The following CDKAL1 variants were observed in gnomAD, a reference collection of about 807,000 sequenced individuals.
CDKAL1 encodes CDKAL1 threonylcarbamoyladenosine tRNA methylthiotransferase, also known as threonylcarbamoyladenosine tRNA methylthiotransferase.
In CDKAL1, 32 loss-of-function variants were observed where a neutral mutation model predicts 68.2. The ratio of observed to expected loss-of-function variants is 0.47; its 90% CI spans 0.35 to 0.63. The LOEUF (loss-of-function observed/expected upper bound fraction) is 0.63, where lower values mean the gene tolerates loss of function less well. CDKAL1 is among the 30% of genes least tolerant of loss of function. The probability of loss-of-function intolerance (pLI) is 0.00; values close to 1 mark genes in which losing one functional copy is unlikely to be tolerated. For synonymous variants in CDKAL1, 234 were observed against 244.3 expected, an observed-to-expected ratio of 0.96 and a Z score of 0.39; for missense variants, 606 against 696.7, an observed-to-expected ratio of 0.87 and a Z score of 1.47.
At chr6:20,733,201 C>A (rs1773035906) in intron 5 of CDKAL1, among the ~76,000 whole-genome samples, 1 of 152,200 alleles carries the variant, frequency 6.6e-6, no homozygotes, top group South Asian at 2.1e-4. Flanking sequence ...TGATGACTGT[C>A]CCACAGCTAC....
chr6:20,658,845 C>T (rs565464143), intron 5 of CDKAL1, among the ~76,000 whole-genome samples: 114 of 152,128 alleles, frequency 7.5e-4, no homozygotes, highest in Non-Finnish European at 1.2e-3. Flanking sequence ...GACCGGGTCT[C>T]GTTCTGTTGC....
At chr6:20,762,508 C>T (rs907670671) in intron 7 of CDKAL1, among the ~76,000 whole-genome samples, 2 of 152,168 alleles carry the variant, frequency 1.3e-5, no homozygotes, top group Admixed American at 1.3e-4. Context: ...TATCAGTCAA[C>T]TTCTGTTCTT....
At chr6:21,107,412 TTTTC>T (rs963891175) in intron 12 of CDKAL1, among the ~76,000 whole-genome samples, 10 of 151,910 alleles carry the variant, frequency 6.6e-5, no homozygotes, top group Admixed American at 1.3e-4. Context: ...TCTCTTTCTT[TTTTC>T]TTTCTTTCTT....
At chr6:20,545,884 G>C (rs564066603) in intron 2 of CDKAL1, among the ~76,000 whole-genome samples, 2 of 152,056 alleles carry the variant, frequency 1.3e-5, no homozygotes, top group Non-Finnish European at 2.9e-5. Flanking sequence ...ACTTTATATC[G>C]AATGATTTAT....
intron 8 of CDKAL1, among the ~76,000 whole-genome samples, chr6:20,815,493 C>A (rs1192005826): frequency 6.6e-6 from 1 of 151,670 alleles, no homozygotes; most frequent in Non-Finnish European, 1.5e-5. Flanking sequence ...TGTATAATCT[C>A]TTTTTCTCCT....
intron 9 of CDKAL1, among the ~76,000 whole-genome samples, chr6:20,946,156 G>A (rs1035951053): frequency 2.6e-5 from 4 of 152,146 alleles, no homozygotes; most frequent in Non-Finnish European, 5.9e-5. Flanking sequence ...TGCCCTGTGA[G>A]CTTGAGCCCC....
At chr6:20,767,608 A>G (rs1774756846) in intron 7 of CDKAL1, among the ~76,000 whole-genome samples, 1 of 152,150 alleles carries the variant, frequency 6.6e-6, no homozygotes. Flanking sequence ...TTCTTGAAAA[A>G]TTGTATTTGA....
chr6:20,989,904 ACT>A (rs1168493152), intron 10 of CDKAL1, among the ~76,000 whole-genome samples: 3 of 152,166 alleles, frequency 2.0e-5, no homozygotes, highest in Non-Finnish European at 4.4e-5. Context: ...TTAGACAAAA[ACT>A]CTATTTTGAT....
intron 13 of CDKAL1, among the ~76,000 whole-genome samples, chr6:21,177,092 T>C (rs529560341): frequency 5.6e-4 from 86 of 152,368 alleles, no homozygotes; most frequent in Non-Finnish European, 1.1e-3. Flanking sequence ...TCATTTGAAT[T>C]ATTTACATAA....
At chr6:21,174,960 G>A (rs1357417342) in intron 13 of CDKAL1, among the ~76,000 whole-genome samples, 1 of 152,110 alleles carries the variant, frequency 6.6e-6, no homozygotes, top group African/African-American at 2.4e-5. Flanking sequence ...AAATAAAGTA[G>A]GGCTTTATGT....
chr6:20,930,181 G>C (rs1255442856), intron 9 of CDKAL1, among the ~76,000 whole-genome samples: 2 of 151,806 alleles, frequency 1.3e-5, no homozygotes, highest in African/African-American at 4.8e-5. Flanking sequence ...AGCTATTTAA[G>C]AGAAGTCAGT....
intron 9 of CDKAL1, among the ~76,000 whole-genome samples, chr6:20,925,361 G>C (rs1763140441): frequency 6.6e-6 from 1 of 152,088 alleles, no homozygotes; most frequent in South Asian, 2.1e-4. Flanking sequence ...ATTTTATTGT[G>C]CTATTTGCTT....
intron 4 of CDKAL1, among the ~76,000 whole-genome samples, chr6:20,565,892 G>A (rs1408853109): frequency 6.6e-6 from 1 of 152,010 alleles, no homozygotes; most frequent in African/African-American, 2.4e-5. Context: ...GTAATTCTGT[G>A]GGTTTGGTAA....
chr6:21,019,041 C>T (rs1254739574), intron 11 of CDKAL1, among the ~76,000 whole-genome samples: 1 of 152,160 alleles, frequency 6.6e-6, no homozygotes, highest in Non-Finnish European at 1.5e-5. Context: ...CTCCACCTGC[C>T]ACGTTCAAGC....
chr6:20,795,781 C>T (rs1776083631), intron 8 of CDKAL1, among the ~76,000 whole-genome samples: 2 of 152,100 alleles, frequency 1.3e-5, no homozygotes, highest in Non-Finnish European at 2.9e-5. Flanking sequence ...GCTATTTTTT[C>T]TCTTGAAAAG....
chr6:20,629,503 C>T (rs960895041), intron 4 of CDKAL1, among the ~76,000 whole-genome samples: 2 of 152,174 alleles, frequency 1.3e-5, no homozygotes, highest in African/African-American at 2.4e-5. Flanking sequence ...CTCTTGAATT[C>T]CTGTGCTCTG....
chr6:20,945,707 A>G, intron 9 of CDKAL1, among the ~76,000 whole-genome samples: 1 of 152,236 alleles, frequency 6.6e-6, no homozygotes, highest in Non-Finnish European at 1.5e-5. Flanking sequence ...TTGGATGGAA[A>G]GAAATAAGAA....
chr6:20,796,584 T>C (rs1776118575), intron 8 of CDKAL1, among the ~76,000 whole-genome samples: 2 of 152,206 alleles, frequency 1.3e-5, no homozygotes, highest in African/African-American at 2.4e-5. Flanking sequence ...AGTTTAAGAC[T>C]TACTGTAAAG....
At chr6:21,059,242 A>G (rs1035984007) in intron 11 of CDKAL1, among the ~76,000 whole-genome samples, 20 of 152,328 alleles carry the variant, frequency 1.3e-4, no homozygotes, top group African/African-American at 4.6e-4. Flanking sequence ...CCTGGTCCAG[A>G]CTGCCCAGTC....
Sources: allele counts gnomAD v4.1 joint callset (sites outside exome capture counted in the v4.1 genomes callset), GRCh38; gene constraint gnomAD v4.1.1; transcripts MANE v1.5; gene names NCBI Gene and HGNC (gene_info 2026-07-23, HGNC 2026-07-21).